LIPJ: variants seen among roughly 807,000 people sequenced by gnomAD.
The protein encoded by LIPJ is lipase family member J.
In LIPJ, 33 loss-of-function variants were observed where a neutral mutation model predicts 39.8. The observed-to-expected ratio is 0.83, with a 90% CI of 0.63 to 1.11. The LOEUF (loss-of-function observed/expected upper bound fraction) is 1.11, where lower values mean the gene tolerates loss of function less well. LIPJ is among the 50% of genes least tolerant of loss of function. LIPJ has a pLI of 0.00. For missense variants in LIPJ, 422 were observed against 427.9 expected (o/e 0.99, Z 0.12); for synonymous variants, 128 against 139.2 (o/e 0.92, Z 0.57).
chr10:88,617,107 C>A, the LIPJ span, among the ~76,000 whole-genome samples: 121,558 of 152,072 alleles, frequency 0.8, 49,191 homozygotes, highest in East Asian at 0.99. Context: ...CAAACAAAAA[C>A]CAGACTGCTG....
At chr10:88,611,570 A>G (rs937465413), downstream of LIPJ, among the ~76,000 whole-genome samples, 1 of 152,196 alleles carries the variant, frequency 6.6e-6, no homozygotes, top group African/African-American at 2.4e-5. Flanking sequence ...TAAGCAAAAA[A>G]CAATTACCAC....
upstream of LIPJ, among the ~76,000 whole-genome samples, chr10:88,586,365 G>A (rs1178131524): frequency 1.3e-5 from 2 of 152,074 alleles, no homozygotes; most frequent in Non-Finnish European, 2.9e-5. Context: ...GATCACCTAG[G>A]ATTGCAAGAT....
chr10:88,613,265 C>G, the LIPJ span, among the ~76,000 whole-genome samples: 1 of 151,926 alleles, frequency 6.6e-6, no homozygotes, highest in Non-Finnish European at 1.5e-5. Context: ...AGAATAGGGG[C>G]CTAGGTGAAA....
chr10:88,598,465 C>T (rs1851336554), intron 8 of LIPJ, among the ~76,000 whole-genome samples: 1 of 151,950 alleles, frequency 6.6e-6, no homozygotes, highest in African/African-American at 2.4e-5. Context: ...CCAGGTGTTA[C>T]AATTTTTTGG....
chr10:88,615,992 G>A, the LIPJ span, among the ~76,000 whole-genome samples: 20 of 152,276 alleles, frequency 1.3e-4, no homozygotes, highest in Admixed American at 8.5e-4. Flanking sequence ...TGGGAGGATC[G>A]CATGAGGCTA....
chr10:88,602,745 A>G (rs1851537666), intron 9 of LIPJ, 98 bp downstream of exon 9: 1 of 584,594 alleles, frequency 1.7e-6, no homozygotes, highest in South Asian at 3.1e-5. Flanking sequence ...AGAGTAATAA[A>G]TTTATAAGGA....
chr10:88,606,876 A>G (rs1269448691), exon 11 of LIPJ: 1 of 1,585,880 alleles, frequency 6.3e-7, no homozygotes, highest in South Asian at 1.1e-5. Context: ...GTTTACCATG[A>G]AATCATTGAT....
intron 6 of LIPJ, among the ~76,000 whole-genome samples, chr10:88,595,834 G>A (rs940041062): frequency 6.6e-6 from 1 of 151,494 alleles, no homozygotes; most frequent in African/African-American, 2.4e-5. Flanking sequence ...AAGATGCTTA[G>A]TATCCTCTGT....
intron 4 of LIPJ, chr10:88,593,050 A>T (rs1419565115): frequency 6.6e-6 from 1 of 151,956 alleles, no homozygotes; most frequent in African/African-American, 2.4e-5. Context: ...AACAGGGCAT[A>T]GAAGTAGGAA....
chr10:88,599,008 A>AATAAT lies in LIPJ; in HGVS notation c.723+2076_723+2080dup, dbSNP rs1554943195. The stretch of plus-strand genomic sequence containing the variant: ...AATATAAAATATTATATTATATTAT[A>AATAAT]ATAATATATTATATTAATTTAATAT... On this transcript the variant is annotated intron_variant, in intron 8 of 10. Coordinates refer to ENST00000371939, the Ensembl canonical transcript of LIPJ. 2.9e-4 allele frequency among the ~76,000 whole-genome samples: 41 copies of AATAAT among 142,764 alleles called. 1 individual carries two copies. The highest frequency in any genetic ancestry group is 1.5e-3 in the South Asian group (6 of 4,016). The allele number at this position is 142,764 out of a possible 152,430, so 93.7% of individuals were successfully genotyped here.
intron 4 of LIPJ, chr10:88,592,922 C>G (rs1270449896): frequency 6.6e-6 from 1 of 151,944 alleles, no homozygotes; most frequent in Non-Finnish European, 1.5e-5. Flanking sequence ...CCTCCACCAT[C>G]TATTCTAGCT....
At chr10:88,596,088 A>G (rs939184140) in intron 6 of LIPJ, among the ~76,000 whole-genome samples, 192 bp from the exon 7 acceptor site, 8 of 151,596 alleles carry the variant, frequency 5.3e-5, no homozygotes, top group African/African-American at 1.7e-4. Flanking sequence ...AACCCAAATT[A>G]TCAGCATTAT....
In LIPJ at chr10:88,591,196, G is replaced by A. The variant is rs182741217; in HGVS notation, c.10-182G>A. Among the ~76,000 whole-genome samples, 45 of 151,708 alleles carry A rather than the reference G, an allele frequency of 3.0e-4. No homozygotes were observed. The Middle Eastern group carries it at 0.024, about 80-fold the overall frequency. ...TAGTATATAAAACTGCTGCTCAGTA[G>A]GTATTTTACAAATATTTATTATCTG... On this transcript the variant is annotated intron_variant, in intron 3 of 10. Coordinates refer to ENST00000371939, the Ensembl canonical transcript of LIPJ.
At chr10:88,596,218 T>C in intron 6 of LIPJ, 62 bp from the exon 7 acceptor site, 6 of 1,074,016 alleles carry the variant, frequency 5.6e-6, no homozygotes, top group South Asian at 2.7e-5. Flanking sequence ...CTTGGTGTCA[T>C]CTCTTACATG....
the LIPJ span, among the ~76,000 whole-genome samples, chr10:88,612,438 A>G: frequency 6.6e-6 from 1 of 152,180 alleles, no homozygotes; most frequent in African/African-American, 2.4e-5. Context: ...ACAGAATGGC[A>G]GAATGGGTAA....
At chr10:88,612,467 T>C in the LIPJ span, among the ~76,000 whole-genome samples, 1 of 151,978 alleles carries the variant, frequency 6.6e-6, no homozygotes, top group African/African-American at 2.4e-5. Context: ...CAACCAAATT[T>C]CTCCTGTCTT....
chr10:88,607,711 G>A (rs1851701001), downstream of LIPJ, among the ~76,000 whole-genome samples: 1 of 152,304 alleles, frequency 6.6e-6, no homozygotes, highest in East Asian at 1.9e-4. Context: ...GTCAATAAAT[G>A]CAACACATAT....
intron 1 of LIPJ, 99 bp downstream of exon 1, chr10:88,586,944 A>G (rs1193604630): frequency 6.6e-6 from 1 of 152,116 alleles, no homozygotes; most frequent in Admixed American, 6.5e-5. Flanking sequence ...TACTTTTAAG[A>G]CTGTTGCTTC....
intron 3 of LIPJ, among the ~76,000 whole-genome samples, chr10:88,591,131 G>GTTT (rs1851066280): frequency 6.6e-6 from 1 of 150,838 alleles, no homozygotes; most frequent in African/African-American, 2.4e-5. Flanking sequence ...TGAGGGTAGG[G>GTTT]GTTTGTTTGT....
Sources: gnomAD v4.1 joint callset for allele counts (sites outside exome capture counted in the v4.1 genomes callset) on GRCh38, gnomAD v4.1.1 for gene constraint, MANE v1.5 for transcripts, NCBI Gene and HGNC (gene_info 2026-07-23, HGNC 2026-07-21) for gene names.